OTC: variants seen among roughly 807,000 people sequenced by gnomAD.
OTC encodes ornithine transcarbamylase, also known as ornithine transcarbamylase, mitochondrial.
In OTC, 3 loss-of-function variants were observed where a neutral mutation model predicts 30.3. That is an observed-to-expected ratio of 0.10 (90% CI 0.05 to 0.26). The LOEUF is 0.26. OTC is among the 10% of genes least tolerant of loss of function. The probability of loss-of-function intolerance (pLI) is 1.00; values close to 1 mark genes in which losing one functional copy is unlikely to be tolerated. For synonymous variants in OTC, 111 were observed against 99.7 expected (o/e 1.11, Z -0.67); for missense variants, 194 against 260.3 (o/e 0.75, Z 1.75).
the OTC span, among the ~76,000 whole-genome samples, chrX:38,330,242 A>T: frequency 8.9e-6 from 1 of 112,059 alleles, no homozygotes; most frequent in Non-Finnish European, 1.9e-5. Flanking sequence ...GAAAGCCGGG[A>T]AAGGCAAGGA....
the OTC span, among the ~76,000 whole-genome samples, chrX:38,345,188 TGACA>T: frequency 1.8e-5 from 2 of 112,200 alleles, no homozygotes; most frequent in South Asian, 3.7e-4. Context: ...TGCAAAATTA[TGACA>T]GACAGTGAAA....
At chrX:38,388,565 G>T (rs1397714218) in intron 4 of OTC, among the ~76,000 whole-genome samples, 2 of 111,004 alleles carry the variant, frequency 1.8e-5, no homozygotes, top group East Asian at 5.6e-4. Flanking sequence ...GCAACAGCAA[G>T]TGGGGCATTA....
the OTC span, among the ~76,000 whole-genome samples, chrX:38,340,691 A>G: frequency 9.0e-6 from 1 of 110,788 alleles, no homozygotes; most frequent in Non-Finnish European, 1.9e-5. Flanking sequence ...ATGGTTCTTT[A>G]AAGTAAAAGT....
rs975979716 is a variant in OTC at position 38,352,634 on chromosome X, G to A, written c.-63G>A. ...ATTTCTTAGTTTTTAGGTGGCCCCC[G>A]CTGGCTAACTTGCTGTGGAGTTTTC... On this transcript the variant is annotated 5_prime_UTR_variant, in exon 1 of 10. Transcript: ENST00000039007. 5 of 893,376 alleles carry A rather than the reference G, an allele frequency of 5.6e-6. No individual in the cohort carries two copies. Among genetic ancestry groups the A allele is most frequent in the Admixed American group, 2.2e-5 (1 of 45,296 alleles). The allele number at this position is 893,376 out of a possible 1,213,427, so 73.6% of individuals were successfully genotyped here. A position where few individuals can be genotyped will look rare whatever the true frequency, so the allele number is the denominator to read the frequency against.
At chrX:38,332,523 T>TATATATATATATATATAC in the OTC span, among the ~76,000 whole-genome samples, 62 of 86,374 alleles carry the variant, frequency 7.2e-4, 1 homozygote, top group African/African-American at 2.0e-3. Flanking sequence ...TATATATATA[T>TATATATATATATATATAC]ATATATATAT....
chrX:38,333,302 T>C, the OTC span, among the ~76,000 whole-genome samples: 1 of 110,802 alleles, frequency 9.0e-6, no homozygotes, highest in Non-Finnish European at 1.9e-5. Context: ...TTGGCTGGAT[T>C]TAGTGTCATG....
chrX:38,356,456 G>A (rs969781526), intron 1 of OTC, among the ~76,000 whole-genome samples: 1 of 111,429 alleles, frequency 9.0e-6, no homozygotes, highest in African/African-American at 3.3e-5. Context: ...GAGGGGGAGC[G>A]GAATTTATTG....
At chrX:38,341,200 T>C in the OTC span, among the ~76,000 whole-genome samples, 1 of 112,277 alleles carries the variant, frequency 8.9e-6, no homozygotes, top group Non-Finnish European at 1.9e-5. Flanking sequence ...GCTCCCTTCC[T>C]AACCCAAAAT....
intron 4 of OTC, among the ~76,000 whole-genome samples, chrX:38,386,475 C>T (rs2068403756): frequency 1.8e-5 from 2 of 110,233 alleles, no homozygotes; most frequent in African/African-American, 6.6e-5. Flanking sequence ...CCACCTCCAA[C>T]CCCTGGCAAC....
intron 4 of OTC, among the ~76,000 whole-genome samples, chrX:38,398,769 A>G (rs919862884): frequency 1.9e-4 from 21 of 111,936 alleles, no homozygotes; most frequent in African/African-American, 6.8e-4. Context: ...TATAGTATGA[A>G]AAACAGAATG....
At chrX:38,337,597 A>T in the OTC span, among the ~76,000 whole-genome samples, 1 of 111,599 alleles carries the variant, frequency 9.0e-6, no homozygotes, top group African/African-American at 3.3e-5. Flanking sequence ...AGGTTTGCTC[A>T]CTGGGAGCGT....
intron 1 of OTC, among the ~76,000 whole-genome samples, chrX:38,361,161 C>T (rs2068269592): frequency 9.0e-6 from 1 of 111,555 alleles, no homozygotes; most frequent in South Asian, 3.7e-4. Context: ...AAAAATTAGC[C>T]AGGCGTGGTG....
At chrX:38,371,229 A>G (rs1179888923) in intron 3 of OTC, among the ~76,000 whole-genome samples, 1 of 111,936 alleles carries the variant, frequency 8.9e-6, no homozygotes, top group Non-Finnish European at 1.9e-5. Flanking sequence ...GGCTCTGACT[A>G]TCCATGGACT....
chrX:38,392,958 C>T (rs1385039434), intron 4 of OTC, among the ~76,000 whole-genome samples: 2 of 112,215 alleles, frequency 1.8e-5, no homozygotes, highest in South Asian at 3.7e-4. Context: ...AAATAATAAA[C>T]GTTCCTCAAA....
intron 1 of OTC, 68 bp downstream of exon 1, chrX:38,352,841 G>T: frequency 1.3e-6 from 1 of 782,288 alleles, no homozygotes; most frequent in Non-Finnish European, 2.0e-6. Flanking sequence ...ATATTCTGCA[G>T]TAAGGCCTCT....
the OTC span, among the ~76,000 whole-genome samples, chrX:38,333,883 T>C: frequency 2.6e-4 from 29 of 112,555 alleles, 1 homozygote; most frequent in South Asian, 9.9e-3. Context: ...CAGATTCTAA[T>C]TACTTCTTTG....
intron 1 of OTC, among the ~76,000 whole-genome samples, chrX:38,361,116 C>T (rs2068269326): frequency 9.0e-6 from 1 of 111,427 alleles, no homozygotes; most frequent in Admixed American, 9.6e-5. Context: ...CCAGCCTGGT[C>T]AACATGGTGA....
chrX:38,403,808 A>G (rs2068503206), intron 6 of OTC, 68 bp downstream of exon 6: 1 of 1,122,024 alleles, frequency 8.9e-7, no homozygotes, highest in South Asian at 1.8e-5. Flanking sequence ...TTACCCAGTG[A>G]CAAAAAAAGC....
chrX:38,392,988 G>C (rs985501631), intron 4 of OTC, among the ~76,000 whole-genome samples: 2 of 112,004 alleles, frequency 1.8e-5, no homozygotes, highest in African/African-American at 6.5e-5. Context: ...CCAAGTCAAC[G>C]GCGTAAATAG....
Sources: gnomAD v4.1 joint callset for allele counts (sites outside exome capture counted in the v4.1 genomes callset) on GRCh38, gnomAD v4.1.1 for gene constraint, MANE v1.5 for transcripts, NCBI Gene and HGNC (gene_info 2026-07-23, HGNC 2026-07-21) for gene names.